The following FKBP15 variants were observed in gnomAD, a reference collection of about 807,000 sequenced individuals.
FKBP15 encodes FK506-binding protein 15.
Under a neutral mutation model 158.1 loss-of-function variants are expected in FKBP15, and 106 were observed. The ratio of observed to expected loss-of-function variants is 0.67; its 90% CI spans 0.57 to 0.79. The LOEUF is 0.79. Ranked by LOEUF, FKBP15 falls within the 30% of genes least tolerant of loss-of-function variation. The pLI, the probability that FKBP15 is intolerant of heterozygous loss-of-function variation, is 0.00. For missense variants in FKBP15, 1,287 were observed against 1,479.1 expected (o/e 0.87, Z 2.13); for synonymous variants, 547 against 548.6 (o/e 1.00, Z 0.04).
chr9:113,172,831 A>T (rs1219627845), intron 23 of FKBP15, among the ~76,000 whole-genome samples: 1 of 152,234 alleles, frequency 6.6e-6, no homozygotes, highest in Non-Finnish European at 1.5e-5. Context: ...TTAAGGAAAG[A>T]AACTGACCTC....
At chr9:113,214,181 G>C (rs1831074098) in intron 1 of FKBP15, among the ~76,000 whole-genome samples, 1 of 152,200 alleles carries the variant, frequency 6.6e-6, no homozygotes, top group African/African-American at 2.4e-5. Context: ...TTTTTGTAGA[G>C]ACAGGGTTTC....
chr9:113,176,611 GT>G lies in FKBP15; in HGVS notation c.2148del (p.Lys716AsnfsTer7). ...AGGGATGTCACCTTGAGTTCCAGTT[GT>G]TTCCGGTTCTGCTTTTCACTTTTGA... is the stretch of plus-strand genomic sequence containing the variant. The part of the protein sequence containing the change: ...SKFKSEKQNR[K>X]QLELKVTSLE... On this transcript the variant is annotated frameshift_variant, in exon 21 of 28. Transcript: ENST00000238256. LOFTEE classifies it high-confidence loss of function. The G allele has an allele frequency of 1.3e-6, 2 of 1,597,788 alleles. No individual in the cohort carries two copies. Among genetic ancestry groups the G allele is most frequent in the Non-Finnish European group, 8.5e-7 (1 of 1,170,354 alleles).
chr9:113,216,609 G>A (rs879226734), intron 1 of FKBP15, among the ~76,000 whole-genome samples: 1 of 152,174 alleles, frequency 6.6e-6, no homozygotes, highest in East Asian at 1.9e-4. Context: ...TGGAAGAGTT[G>A]GGTTTCACTA....
At chr9:113,211,657 G>A (rs1330578160) in intron 1 of FKBP15, 65 bp from the exon 2 acceptor site, 1 of 1,210,202 alleles carries the variant, frequency 8.3e-7, no homozygotes, top group Non-Finnish European at 1.2e-6. Context: ...TATTATAAAA[G>A]CTGCTCATCT....
chr9:113,219,412 CA>C (rs1448160266), intron 1 of FKBP15, among the ~76,000 whole-genome samples: 3 of 151,992 alleles, frequency 2.0e-5, no homozygotes, highest in African/African-American at 7.2e-5. Context: ...TAGAGAAAAC[CA>C]AAAAAGGAAT....
At chr9:113,182,640 A>G in intron 19 of FKBP15, 126 bp downstream of exon 19, 1 of 695,118 alleles carries the variant, frequency 1.4e-6, no homozygotes, top group Non-Finnish European at 2.6e-6. Context: ...CTGCTGGGAG[A>G]TATCTAGTTC....
chr9:113,188,523 G>GT (rs1333593050), intron 12 of FKBP15, 32 bp from the exon 13 acceptor site: 42 of 1,569,164 alleles, frequency 2.7e-5, no homozygotes, highest in Non-Finnish European at 3.2e-5. Context: ...GGGTTACTCT[G>GT]TACGGGGTCC....
At chr9:113,192,690 G>A (rs376846681) in intron 11 of FKBP15, among the ~76,000 whole-genome samples, 3 of 152,054 alleles carry the variant, frequency 2.0e-5, no homozygotes, top group East Asian at 3.9e-4. Context: ...TTTACTGAGC[G>A]CTTACAATAT....
chr9:113,207,137 GT>G, intron 3 of FKBP15, 74 bp downstream of exon 3: 1 of 1,168,772 alleles, frequency 8.6e-7, no homozygotes, highest in Non-Finnish European at 1.2e-6. Context: ...ACAAACAGAG[GT>G]TTTTCGAGAA....
chr9:113,166,720 C>T (rs1830105044), intron 27 of FKBP15, among the ~76,000 whole-genome samples: 1 of 152,166 alleles, frequency 6.6e-6, no homozygotes, highest in Non-Finnish European at 1.5e-5. Flanking sequence ...GCCACAGCCT[C>T]CCACACCTCT....
intron 10 of FKBP15, among the ~76,000 whole-genome samples, chr9:113,193,770 AATTTTGT>A: frequency 6.6e-6 from 1 of 152,142 alleles, no homozygotes; most frequent in Non-Finnish European, 1.5e-5. Context: ...ATGAGTATAT[AATTTTGT>A]ATTTATGCCC....
rs1394178426 is a variant in FKBP15 at position 113,168,641 on chromosome 9, G to A, written c.3486-85C>T. On this transcript the variant is annotated intron_variant, in intron 26 of 27. Transcript: ENST00000238256. ...CCACCTACAAGGGTCACCGGCCCTTGGGTAAGAATTCAACAGCGTTGGTGA... is the reference window on the plus strand; with the variant it reads ...CCACCTACAAGGGTCACCGGCCCTTAGGTAAGAATTCAACAGCGTTGGTGA... The A allele has an allele frequency of 5.9e-6, 7 of 1,191,768 alleles. No homozygotes were observed. In the African/African-American group the frequency reaches 6.0e-5, roughly 10 times the overall value. 73.8% of individuals were successfully genotyped at this position (1,191,768 alleles called of 1,614,324 possible).
intron 2 of FKBP15, among the ~76,000 whole-genome samples, chr9:113,209,618 T>C (rs1830961008): frequency 6.6e-6 from 1 of 152,222 alleles, no homozygotes; most frequent in Non-Finnish European, 1.5e-5. Context: ...GACACACTGC[T>C]CCCAAATCCC....
intron 2 of FKBP15, among the ~76,000 whole-genome samples, chr9:113,210,253 C>T (rs1328227287): frequency 6.6e-6 from 1 of 151,932 alleles, no homozygotes; most frequent in Non-Finnish European, 1.5e-5. Context: ...GGATACACAA[C>T]CTGGCATGTC....
At chr9:113,199,681 C>T in intron 7 of FKBP15, 133 bp downstream of exon 7, 1 of 873,446 alleles carries the variant, frequency 1.1e-6, no homozygotes, top group Non-Finnish European at 1.7e-6. Context: ...AAAGCAATTG[C>T]AGTGTCTAAA....
At position 113,193,508 on chromosome 9, in the gene FKBP15, T is replaced by C. The variant is rs755243191; in HGVS notation, c.1049A>G (p.Gln350Arg). The C allele has an allele frequency of 1.9e-5, 31 of 1,597,800 alleles. No homozygotes were observed. In the Middle Eastern group the frequency reaches 1.2e-3, roughly 60 times the overall value. ...TATACTTACTGTATTTATTGCAAGT[T>C]GTTCACTGAGGGAGTTAGATTTGGT... ...LRTKSNSLSE[Q>R]LAINTSPDAV... The change falls in exon 11 of 28, where the codon CAA becomes CGA. Residue 350 changes from glutamine to arginine, a missense_variant. Gln to Arg is a conservative substitution (Grantham distance 43). Coordinates refer to ENST00000238256, the MANE Select transcript of FKBP15 (RefSeq NM_015258.2).
intron 23 of FKBP15, among the ~76,000 whole-genome samples, chr9:113,172,964 C>G (rs1301268018): frequency 6.6e-6 from 1 of 152,210 alleles, no homozygotes; most frequent in Non-Finnish European, 1.5e-5. Flanking sequence ...GTTCTGCCTC[C>G]TTTGCTGCCT....
chr9:113,169,463 T>C lies in FKBP15; in HGVS notation c.3246A>G (p.Glu1082=). The change falls in exon 26 of 28, where the codon GAA becomes GAG. Residue 1082 remains glutamate (E), a synonymous_variant. Coordinates refer to ENST00000238256, the MANE Select transcript of FKBP15 (RefSeq NM_015258.2). ...DNPSGKVCVR[E]VAPDGPLQES... Reference sequence around the variant, plus strand: ...CTTGTAGTGGGCCATCTGGTGCTACTTCCCTGACACAGACCTTTCCTGATG... The same window carrying C: ...CTTGTAGTGGGCCATCTGGTGCTACCTCCCTGACACAGACCTTTCCTGATG... The C allele has an allele frequency of 6.2e-7, 1 of 1,614,074 alleles. No homozygotes were observed. Among genetic ancestry groups the C allele is most frequent in the African/African-American group, 1.3e-5 (1 of 75,062 alleles).
intron 11 of FKBP15, among the ~76,000 whole-genome samples, chr9:113,192,562 G>A (rs575878914): frequency 3.3e-4 from 50 of 152,280 alleles, no homozygotes; most frequent in African/African-American, 1.2e-3. Context: ...AAACACAGAG[G>A]CTCAGTGACC....
Sources: allele counts gnomAD v4.1 joint callset (sites outside exome capture counted in the v4.1 genomes callset), GRCh38; gene constraint gnomAD v4.1.1; transcripts MANE v1.5; gene names NCBI Gene and HGNC (gene_info 2026-07-23, HGNC 2026-07-21).